Variants in RADIL observed in about 807,000 individuals in gnomAD.
The protein encoded by RADIL is Rap associating with DIL domain.
In RADIL, 99 loss-of-function variants were observed where a neutral mutation model predicts 97.6. The observed-to-expected ratio is 1.01, with a 90% CI of 0.86 to 1.20. RADIL has a LOEUF of 1.20. Ranked by LOEUF, RADIL falls within the 50% of genes most tolerant of loss-of-function variation. RADIL has a pLI of 0.00. For missense variants in RADIL, 1,765 were observed against 1,498.9 expected, an observed-to-expected ratio of 1.18 and a Z score of -2.93; for synonymous variants, 803 against 691.8, an observed-to-expected ratio of 1.16 and a Z score of -2.52.
At chr7:4,848,637 A>C (rs1302553528) in intron 2 of RADIL, among the ~76,000 whole-genome samples, 1 of 152,210 alleles carries the variant, frequency 6.6e-6, no homozygotes, top group Admixed American at 6.5e-5. Context: ...TTTAGTTGTG[A>C]AAAGCTATAC....
intron 2 of RADIL, among the ~76,000 whole-genome samples, chr7:4,864,380 A>ATGTACATTCACTGCC (rs1320418973): frequency 6.6e-6 from 1 of 152,202 alleles, no homozygotes; most frequent in Admixed American, 6.5e-5. Context: ...TCCTCACTGC[A>ATGTACATTCACTGCC]TGTACATTCA....
Position 4,808,612 on chromosome 7 carries a change from A to C in RADIL, c.2140-2896T>G, listed in dbSNP as rs1016663060. On this transcript the variant is annotated intron_variant, in intron 9 of 14. Transcript: ENST00000399583. The stretch of plus-strand genomic sequence containing the variant: ...TCCTCACAGCTTGGCCCTTTACAAG[A>C]AGCAGCCCCGCGGCCCTGGTCTCTC... The C allele has an allele frequency of 8.4e-5, 83 of 985,194 alleles. No individual in the cohort carries two copies. In the Admixed American group the frequency reaches 1.7e-3, roughly 20 times the overall value. The allele number at this position is 985,194 out of a possible 1,614,324, so 61.0% of individuals were successfully genotyped here.
intron 2 of RADIL, among the ~76,000 whole-genome samples, chr7:4,838,365 G>A (rs937228797): frequency 6.6e-6 from 1 of 152,210 alleles, no homozygotes; most frequent in African/African-American, 2.4e-5. Context: ...CAGGTTGTAG[G>A]AGGTGACCTC....
At chr7:4,809,549 C>A (rs1026436210) in intron 9 of RADIL, 1 of 985,366 alleles carries the variant, frequency 1.0e-6, no homozygotes. Flanking sequence ...CCCCCAGGCC[C>A]GCCCAGGCAC....
Position 4,822,277 on chromosome 7 carries a change from C to T in RADIL, c.1615+117G>A. The stretch of plus-strand genomic sequence containing the variant: ...GGCAGCCTAGGGACTGAGGAAGCCC[C>T]CGGCATGAATCCACCCCTGCTATCA... On this transcript the variant is annotated intron_variant, in intron 6 of 14. Coordinates refer to ENST00000399583, the MANE Select transcript of RADIL (RefSeq NM_018059.5). This position sits in a 1 kb window ranked among gnomAD's most constrained non-coding sequence, Gnocchi z 5.3. 1 of 1,278,044 alleles carries T rather than the reference C, an allele frequency of 7.8e-7. No homozygotes were observed. Among genetic ancestry groups the T allele is most frequent in the South Asian group, 1.5e-5 (1 of 64,612 alleles). The allele number at this position is 1,278,044 out of a possible 1,614,324, so 79.2% of individuals were successfully genotyped here. A position where few individuals can be genotyped will look rare whatever the true frequency, so the allele number is the denominator to read the frequency against.
At chr7:4,829,497 G>C (rs1030053289) in intron 5 of RADIL, among the ~76,000 whole-genome samples, 1 of 152,212 alleles carries the variant, frequency 6.6e-6, no homozygotes, top group African/African-American at 2.4e-5. Flanking sequence ...GATGGACCCA[G>C]GGTGGACATC....
chr7:4,802,033 G>A lies in RADIL; in HGVS notation c.2500-38C>T, dbSNP rs558540010. The A allele has an allele frequency of 9.0e-6, 13 of 1,441,680 alleles. 1 individual carries two copies. Among genetic ancestry groups the A allele is most frequent in the South Asian group, 5.9e-5 (4 of 67,910 alleles). 89.3% of individuals were successfully genotyped at this position (1,441,680 alleles called of 1,614,324 possible). ...AGGGTGACAGCTCAGGTAGAGGAGT[G>A]GCCAGGTGGACACAGCACTCGGGCA... On this transcript the variant is annotated intron_variant, in intron 11 of 14. Transcript: ENST00000399583.
chr7:4,819,200 T>C lies in RADIL; in HGVS notation c.1616-1849A>G, dbSNP rs561740707. Among the ~76,000 whole-genome samples, 1 of 151,952 alleles carries C rather than the reference T, an allele frequency of 6.6e-6. No homozygotes were observed. The highest frequency in any genetic ancestry group is 1.5e-5 in the Non-Finnish European group (1 of 67,998). ...GATTCTCCTGCCTCAGCCTCCCAAG[T>C]AGCTAGGACTACAGGCACATGCCAC... is the stretch of plus-strand genomic sequence containing the variant. On this transcript the variant is annotated intron_variant, in intron 6 of 14. Coordinates refer to ENST00000399583, the MANE Select transcript of RADIL (RefSeq NM_018059.5). This position sits in a 1 kb window ranked among gnomAD's most constrained non-coding sequence, Gnocchi z 5.8.
At chr7:4,803,853 T>C (rs915498848) in intron 10 of RADIL, 99 bp from the exon 11 acceptor site, 3 of 1,130,662 alleles carry the variant, frequency 2.7e-6, no homozygotes, top group Non-Finnish European at 3.9e-6. Flanking sequence ...GGCCAGCAGA[T>C]TGAGCCCTGA....
intron 2 of RADIL, chr7:4,865,563 T>A: frequency 5.0e-6 from 4 of 792,750 alleles, no homozygotes; most frequent in Non-Finnish European, 9.3e-6. Context: ...TTCAAATACC[T>A]TTTTGAGAAA....
intron 2 of RADIL, among the ~76,000 whole-genome samples, chr7:4,871,986 A>G (rs1282574602): frequency 3.3e-5 from 5 of 152,178 alleles, no homozygotes; most frequent in Admixed American, 2.0e-4. Flanking sequence ...TGTCTCCAGG[A>G]ACGCATGAAT....
intron 13 of RADIL, 69 bp downstream of exon 13, chr7:4,800,102 C>G: frequency 6.5e-7 from 1 of 1,536,488 alleles, no homozygotes; most frequent in South Asian, 1.2e-5. Context: ...AAGCTGCGGC[C>G]AGGCTTGCAT....
rs1782735988 is a variant in RADIL at position 4,818,406 on chromosome 7, G to T, written c.1616-1055C>A. On this transcript the variant is annotated intron_variant, in intron 6 of 14. Coordinates refer to ENST00000399583, the MANE Select transcript of RADIL (RefSeq NM_018059.5). The surrounding 1 kb of genome is among the most constrained non-coding windows in gnomAD (Gnocchi z 7.1). ...TCACTTTCGCTCTGCCGCTCCTGGT[G>T]CTCCTCCTTCAGGGGCTTGGGGCTG... Among the ~76,000 whole-genome samples, 1 of 152,230 alleles carries T rather than the reference G, an allele frequency of 6.6e-6. No homozygotes were observed. Among genetic ancestry groups the T allele is most frequent in the African/African-American group, 2.4e-5 (1 of 41,478 alleles).
rs924784652 is a variant in RADIL, at chr7:4,825,737, G to C, written c.1455-3183C>G. ...TTAAAAATACAAAAATTAGCTGGGC[G>C]TGGTGGCATGTTCCTGTTATCCCAG... is the stretch of plus-strand genomic sequence containing the variant. On this transcript the variant is annotated intron_variant, in intron 5 of 14. Coordinates refer to ENST00000399583, the MANE Select transcript of RADIL (RefSeq NM_018059.5). Among the ~76,000 whole-genome samples, 14 of 152,082 alleles carry C rather than the reference G, an allele frequency of 9.2e-5. No individual in the cohort carries two copies. In the South Asian group the frequency reaches 2.1e-3, roughly 23 times the overall value.
At chr7:4,808,003 CCTCCTCCCTCTCCTCTCCCTCCATCT>C (rs1782393728) in intron 9 of RADIL, among the ~76,000 whole-genome samples, 4 of 114,476 alleles carry the variant, frequency 3.5e-5, no homozygotes, top group African/African-American at 1.1e-4. Context: ...CTCTCCCCTC[CCTCCTCCCTCTCCTCTCCCTCCATCT>C]TTCTCCGCTC....
chr7:4,877,790 C>T lies in RADIL; in HGVS notation c.350G>A (p.Gly117Asp). The T allele has an allele frequency of 6.2e-7, 1 of 1,611,616 alleles. No homozygotes were observed. Residue 117 changes from glycine to aspartate, a missense_variant, in exon 2 of 15, where the codon GGC (glycine) becomes GAC (aspartate). Coordinates refer to ENST00000399583, the MANE Select transcript of RADIL (RefSeq NM_018059.5). ...AGQYVLCDVV[G>D]QAGDAGQRWQ... The stretch of plus-strand genomic sequence containing the variant: ...CCGCTGCCCAGCATCGCCGGCTTGG[C>T]CCACCACGTCACACAGCACGTACTG...
chr7:4,865,610 CT>C (rs775226201), intron 2 of RADIL: 4 of 818,466 alleles, frequency 4.9e-6, no homozygotes, highest in Non-Finnish European at 8.8e-6. Flanking sequence ...GCTCTTGCTC[CT>C]TTCGATGGTC....
Position 4,883,016 on chromosome 7 carries a change from A to G in RADIL, c.-65+580T>C, listed in dbSNP as rs6961858. Among the ~76,000 whole-genome samples, 19,254 of 152,186 alleles carry G rather than the reference A, an allele frequency of 0.13. 2,718 individuals are homozygous for G. Among genetic ancestry groups the G allele is most frequent in the African/African-American group, 0.36 (14,737 of 41,468 alleles). On this transcript the variant is annotated intron_variant, in intron 1 of 14. Transcript: ENST00000399583. This position sits in a 1 kb window ranked among gnomAD's most constrained non-coding sequence, Gnocchi z 7.1. ...GCTCAGCATCTGTTATCTTGGATGC[A>G]GTATTTGTCGAGGGGCTGGAAATGG... is the stretch of plus-strand genomic sequence containing the variant.
intron 9 of RADIL, among the ~76,000 whole-genome samples, chr7:4,811,650 G>C: frequency 6.6e-6 from 1 of 151,572 alleles, no homozygotes; most frequent in Non-Finnish European, 1.5e-5. Context: ...ACCGTGCCCG[G>C]CTAATTTTTT....
Sources: gnomAD v4.1 joint callset for allele counts (sites outside exome capture counted in the v4.1 genomes callset) on GRCh38, gnomAD v4.1.1 for gene constraint, Gnocchi (gnomAD v3.1) non-coding constraint, MANE v1.5 for transcripts, NCBI Gene and HGNC (gene_info 2026-07-23, HGNC 2026-07-21) for gene names.